CIP2A: variants seen among roughly 807,000 people sequenced by gnomAD.
CIP2A encodes protein CIP2A.
In CIP2A, 103 loss-of-function variants were observed where a neutral mutation model predicts 110.9. The ratio of observed to expected loss-of-function variants is 0.93; its 90% CI spans 0.79 to 1.09. CIP2A has a LOEUF of 1.09. Among genes scored for constraint, CIP2A ranks in the 50% least tolerant of loss-of-function variants. The pLI, the probability that CIP2A is intolerant of heterozygous loss-of-function variation, is 0.00. For missense variants in CIP2A, 1,088 were observed against 1,038.4 expected (o/e 1.05, Z -0.66); for synonymous variants, 381 against 361.6 (o/e 1.05, Z -0.61).
At chr3:108,568,435 ACCTAAGT>A in intron 9 of CIP2A, 121 bp from the exon 10 acceptor site, 1 of 684,130 alleles carries the variant, frequency 1.5e-6, no homozygotes. Context: ...TATGCCATTG[ACCTAAGT>A]CTCCTGTGAA....
intron 16 of CIP2A, among the ~76,000 whole-genome samples, chr3:108,558,656 C>T (rs1378432957): frequency 6.6e-6 from 1 of 151,946 alleles, no homozygotes; most frequent in Non-Finnish European, 1.5e-5. Flanking sequence ...TCGTCAAACA[C>T]GTGTGGGAAG....
At chr3:108,571,826 T>C (rs13068653) in intron 8 of CIP2A, among the ~76,000 whole-genome samples, 1 of 152,146 alleles carries the variant, frequency 6.6e-6, no homozygotes, top group Non-Finnish European at 1.5e-5. Flanking sequence ...TATTAATAGA[T>C]ACCAGTTTTC....
chr3:108,588,913 T>C (rs1261085310), intron 1 of CIP2A, among the ~76,000 whole-genome samples: 1 of 152,230 alleles, frequency 6.6e-6, no homozygotes, highest in African/African-American at 2.4e-5. Context: ...GTTTTAATCA[T>C]GACTTTCCGT....
chr3:108,572,765 G>A (rs1243344260), intron 8 of CIP2A, among the ~76,000 whole-genome samples: 1 of 151,978 alleles, frequency 6.6e-6, no homozygotes, highest in Admixed American at 6.6e-5. Context: ...TGAATAGTGA[G>A]TTTTATTTCT....
chr3:108,565,923 T>G (rs1008560403), intron 11 of CIP2A, among the ~76,000 whole-genome samples: 1 of 151,740 alleles, frequency 6.6e-6, no homozygotes, highest in Non-Finnish European at 1.5e-5. Context: ...TTACTGACAA[T>G]TGTGACATCT....
chr3:108,551,310 G>C lies in CIP2A; in HGVS notation c.2557C>G (p.Leu853Val). Residue 853 changes from leucine (L) to valine (V), a missense_variant, in exon 21 of 21, where the codon CTA becomes GTA. Coordinates refer to ENST00000295746, the MANE Select transcript of CIP2A (RefSeq NM_020890.3). ...RKELSIKASS[L>V]EVQKAQLEGR... Reference sequence around the variant, plus strand: ...TCTAATTGTGCCTTTTGAACCTCTAGGGAGGAAGCCTAAGGAATTGGGGTT... The same window carrying C: ...TCTAATTGTGCCTTTTGAACCTCTACGGAGGAAGCCTAAGGAATTGGGGTT... The C allele has an allele frequency of 6.2e-7, 1 of 1,607,220 alleles. No homozygotes were observed.
In CIP2A at chr3:108,554,496, A is replaced by G. The variant is rs117400054; in HGVS notation, c.2211-7T>C. ...CTTTTCAGTACTTTCATTTCTGAAA[A>G]GACAAGAAAATGAGTTGGCATCATT... On this transcript the variant is annotated splice_polypyrimidine_tract_variant and splice_region_variant and intron_variant, in intron 17 of 20. Coordinates refer to ENST00000295746, the MANE Select transcript of CIP2A (RefSeq NM_020890.3). 3.1e-5 allele frequency: 37 copies of G among 1,197,054 alleles called. No homozygotes were observed. In the East Asian group the frequency reaches 8.7e-4, roughly 28 times the overall value. The allele number at this position is 1,197,054 out of a possible 1,614,324, so 74.2% of individuals were successfully genotyped here.
At chr3:108,575,790 GTA>G (rs71103479) in intron 8 of CIP2A, among the ~76,000 whole-genome samples, 4 of 60,218 alleles carry the variant, frequency 6.6e-5, no homozygotes, top group African/African-American at 2.8e-4. Flanking sequence ...ATATACATGT[GTA>G]TATATACGTG....
At chr3:108,569,661 A>ACTTGCTTTGTATATT in intron 8 of CIP2A, 54 bp from the exon 9 acceptor site, 1 of 1,318,898 alleles carries the variant, frequency 7.6e-7, no homozygotes, top group East Asian at 2.4e-5. Flanking sequence ...TTTAATATAC[A>ACTTGCTTTGTATATT]AAGCAAGTGT....
At chr3:108,588,506 A>G (rs1939166762) in intron 1 of CIP2A, among the ~76,000 whole-genome samples, 1 of 152,108 alleles carries the variant, frequency 6.6e-6, no homozygotes, top group African/African-American at 2.4e-5. Context: ...ATAATACAAT[A>G]TATTTTAAAA....
intron 2 of CIP2A, 34 bp from the exon 3 acceptor site, chr3:108,583,117 T>C (rs1443110328): frequency 8.2e-7 from 1 of 1,214,604 alleles, no homozygotes. Context: ...AAATATATCA[T>C]TTTCTTACAA....
At chr3:108,573,700 CAT>C (rs1453755913) in intron 8 of CIP2A, among the ~76,000 whole-genome samples, 4 of 152,074 alleles carry the variant, frequency 2.6e-5, no homozygotes, top group East Asian at 3.9e-4. Context: ...TCATATTGCA[CAT>C]GAGAAAGGAA....
Position 108,559,822 on chromosome 3 carries a change from C to T in CIP2A, c.1948G>A (p.Ala650Thr), listed in dbSNP as rs1559690752. ...LQDLLETKALALAQADRLIAQ... is the reference protein window; with the variant it reads ...LQDLLETKALTLAQADRLIAQ... ...ATCAGTCTATCAGCCTGTGCAAGGGCTAGAGCTTTTGTTTCCAAAAGATCT... is the reference window on the plus strand; with the variant it reads ...ATCAGTCTATCAGCCTGTGCAAGGGTTAGAGCTTTTGTTTCCAAAAGATCT... Residue 650 changes from alanine (A) to threonine (T), a missense_variant, in exon 16 of 21, where the codon GCC (alanine) becomes ACC (threonine). Ala to Thr is a moderately conservative substitution (Grantham distance 58). Transcript: ENST00000295746. 6.2e-7 allele frequency: 1 copy of T among 1,608,222 alleles called. No homozygotes were observed. Among genetic ancestry groups the T allele is most frequent in the East Asian group, 2.2e-5 (1 of 44,660 alleles).
intron 13 of CIP2A, among the ~76,000 whole-genome samples, chr3:108,561,522 A>T (rs1415521641): frequency 1.3e-5 from 2 of 151,988 alleles, no homozygotes; most frequent in Non-Finnish European, 2.9e-5. Flanking sequence ...TAAATTAATT[A>T]AGCAGTTGTG....
At chr3:108,584,938 A>G (rs1938996220) in intron 2 of CIP2A, 127 bp downstream of exon 2, 1 of 754,008 alleles carries the variant, frequency 1.3e-6, no homozygotes, top group Non-Finnish European at 2.0e-6. Context: ...AAGATTCACA[A>G]TGCACACTAG....
At position 108,589,259 on chromosome 3, in the gene CIP2A, C is replaced by T; in HGVS notation, c.102+15G>A. 6.2e-7 allele frequency: 1 copy of T among 1,603,544 alleles called. No individual in the cohort carries two copies. The highest frequency in any genetic ancestry group is 1.1e-5 in the South Asian group (1 of 90,792). On this transcript the variant is annotated intron_variant, in intron 1 of 20. Transcript: ENST00000295746. ...AGGGGAAGCCCCATCTGTCCTCTAC[C>T]CCAGAGCCTCTCACCTCCAAGTGCC...
intron 6 of CIP2A, 63 bp from the exon 7 acceptor site, chr3:108,579,489 T>G: frequency 1.3e-6 from 2 of 1,556,808 alleles, no homozygotes; most frequent in Non-Finnish European, 8.7e-7. Flanking sequence ...TCCTAAAAGG[T>G]AAAAATAAAA....
chr3:108,560,507 C>T (rs931375025), intron 14 of CIP2A, 142 bp downstream of exon 14: 5 of 592,646 alleles, frequency 8.4e-6, no homozygotes, highest in African/African-American at 7.8e-5. Context: ...TTCTTATTTC[C>T]AAATTTTCCA....
chr3:108,552,201 T>C (rs752375488), intron 20 of CIP2A, 33 bp downstream of exon 20: 2 of 1,525,684 alleles, frequency 1.3e-6, no homozygotes, highest in African/African-American at 2.9e-5. Context: ...CTTTTTTATT[T>C]TACTGCAAAT....
Sources: allele counts gnomAD v4.1 joint callset (sites outside exome capture counted in the v4.1 genomes callset), GRCh38; gene constraint gnomAD v4.1.1; transcripts MANE v1.5; gene names NCBI Gene and HGNC (gene_info 2026-07-23, HGNC 2026-07-21).